DGKI: variants seen among roughly 807,000 people sequenced by gnomAD.
DGKI encodes DAG kinase iota.
A neutral mutation model predicts 147.5 loss-of-function variants in DGKI; 55 were observed. The ratio of observed to expected loss-of-function variants is 0.37; its 90% CI spans 0.30 to 0.47. The LOEUF (loss-of-function observed/expected upper bound fraction) is 0.47. Among genes scored for constraint, DGKI ranks in the 20% least tolerant of loss-of-function variants. The pLI is 1.00. For missense variants in DGKI, 1,007 were observed against 1,323.8 expected, an observed-to-expected ratio of 0.76 and a Z score of 3.71; for synonymous variants, 469 against 477.1, an observed-to-expected ratio of 0.98 and a Z score of 0.22.
At chr7:137,647,529 T>G (rs76382458) in intron 5 of DGKI, among the ~76,000 whole-genome samples, 28 of 152,196 alleles carry the variant, frequency 1.8e-4, no homozygotes, top group Non-Finnish European at 3.1e-4. Context: ...GGTGGTTGTA[T>G]GTACAATCGT....
At chr7:137,605,348 A>C (rs1585278140) in intron 10 of DGKI, among the ~76,000 whole-genome samples, 1 of 146,912 alleles carries the variant, frequency 6.8e-6, no homozygotes, top group African/African-American at 2.6e-5. Flanking sequence ...AATAAAATAA[A>C]ATAAAATAAA....
intron 27 of DGKI, among the ~76,000 whole-genome samples, chr7:137,447,501 G>T (rs1394836018): frequency 6.6e-6 from 1 of 152,170 alleles, no homozygotes; most frequent in Non-Finnish European, 1.5e-5. Context: ...TGGCTTTGAA[G>T]AATAAAGAGG....
Position 137,670,843 on chromosome 7 carries a change from T to G in DGKI, c.606+7714A>C, listed in dbSNP as rs114286781. ...TCATGAGTCTGCTGTGCCAGACAACTGGCATTTGAGGCTGACAGAGCAGGA... is the reference window on the plus strand; with the variant it reads ...TCATGAGTCTGCTGTGCCAGACAACGGGCATTTGAGGCTGACAGAGCAGGA... On this transcript the variant is annotated intron_variant, in intron 3 of 32. Coordinates refer to ENST00000614521, the MANE Select transcript of DGKI (RefSeq NM_001321708.2). 1.8e-3 allele frequency among the ~76,000 whole-genome samples: 272 copies of G among 152,302 alleles called. 1 individual carries two copies. The highest frequency in any genetic ancestry group is 6.3e-3 in the African/African-American group (261 of 41,548).
chr7:137,475,678 G>T (rs983546270), intron 23 of DGKI, among the ~76,000 whole-genome samples: 1 of 152,184 alleles, frequency 6.6e-6, no homozygotes, highest in Admixed American at 6.5e-5. Flanking sequence ...GGACCATGTC[G>T]TTAAAGGGTG....
At chr7:137,614,552 C>T (rs1208218447) in intron 8 of DGKI, among the ~76,000 whole-genome samples, 1 of 152,120 alleles carries the variant, frequency 6.6e-6, no homozygotes, top group Non-Finnish European at 1.5e-5. Context: ...CAGATCCAGG[C>T]TTGATTCTTA....
At chr7:137,724,615 C>G (rs1366008736) in intron 1 of DGKI, among the ~76,000 whole-genome samples, 3 of 152,148 alleles carry the variant, frequency 2.0e-5, no homozygotes, top group African/African-American at 4.8e-5. Context: ...AAGGATGACT[C>G]AAGGTCCCAG....
chr7:137,729,793 A>C (rs2116656237), intron 1 of DGKI, among the ~76,000 whole-genome samples: 1 of 152,184 alleles, frequency 6.6e-6, no homozygotes, highest in East Asian at 1.9e-4. Flanking sequence ...CTTGGCCTTC[A>C]AGACATGATT....
chr7:137,774,680 T>C lies in DGKI; in HGVS notation c.401+71782A>G, dbSNP rs1563192125. 3 of 152,294 alleles carry C rather than the reference T, an allele frequency of 2.0e-5. No individual in the cohort carries two copies. The South Asian group carries it at 6.2e-4, about 32-fold the overall frequency. 9.4% of individuals were successfully genotyped at this position (152,294 alleles called of 1,614,324 possible). A position where few individuals can be genotyped will look rare whatever the true frequency, so the allele number is the denominator to read the frequency against. ...TATTCGAGTGCTCAGGAAGCCTCCCTTACCAAGTGGCATCTCCTCCAAAGA... is the reference window on the plus strand; with the variant it reads ...TATTCGAGTGCTCAGGAAGCCTCCCCTACCAAGTGGCATCTCCTCCAAAGA... On this transcript the variant is annotated intron_variant, in intron 1 of 32. Coordinates refer to ENST00000614521, the MANE Select transcript of DGKI (RefSeq NM_001321708.2).
chr7:137,410,025 G>A (rs1263175162), intron 29 of DGKI, among the ~76,000 whole-genome samples: 1 of 152,194 alleles, frequency 6.6e-6, no homozygotes, highest in Non-Finnish European at 1.5e-5. Context: ...AAGAGGGCAT[G>A]AATATTTGAG....
intron 15 of DGKI, among the ~76,000 whole-genome samples, chr7:137,578,600 G>A (rs984226346): frequency 6.6e-6 from 1 of 152,206 alleles, no homozygotes; most frequent in Admixed American, 6.5e-5. Flanking sequence ...GCCCTAGCCA[G>A]ATCTACTGAA....
chr7:137,701,719 G>A (rs536306767), intron 1 of DGKI, among the ~76,000 whole-genome samples: 35 of 152,192 alleles, frequency 2.3e-4, no homozygotes, highest in African/African-American at 8.4e-4. Context: ...CCATATTTGT[G>A]TATTGAAAGA....
chr7:137,493,608 C>G (rs1196172285), intron 21 of DGKI, among the ~76,000 whole-genome samples: 2 of 152,110 alleles, frequency 1.3e-5, no homozygotes, highest in Non-Finnish European at 2.9e-5. Flanking sequence ...TGACCAAACC[C>G]ACCTTATACC....
At chr7:137,837,997 CTTTTTTT>C (rs777963342) in intron 1 of DGKI, among the ~76,000 whole-genome samples, 1 of 109,834 alleles carries the variant, frequency 9.1e-6, no homozygotes, top group African/African-American at 3.7e-5. Context: ...AAGGGAGAAA[CTTTTTTT>C]TTTTTTTTTT....
intron 8 of DGKI, among the ~76,000 whole-genome samples, chr7:137,616,725 T>C (rs1820543372): frequency 6.6e-6 from 1 of 152,038 alleles, no homozygotes; most frequent in Non-Finnish European, 1.5e-5. Flanking sequence ...CATAATTAAG[T>C]AATTTCGTAA....
rs3839659 is a variant in DGKI at position 137,620,019 on chromosome 7, GCACACACACA to G, written c.877-89_877-80del. The stretch of plus-strand genomic sequence containing the variant: ...CAAGAAGGGATAAATATGTACACAC[GCACACACACA>G]CACACACACACACACACACACACAC... On this transcript the variant is annotated intron_variant, in intron 7 of 32. Transcript: ENST00000614521. 1.3e-3 allele frequency: 637 copies of G among 502,522 alleles called. 1 individual carries two copies. The highest frequency in any genetic ancestry group is 0.01 in the African/African-American group (514 of 51,358). 31.1% of individuals were successfully genotyped at this position (502,522 alleles called of 1,614,324 possible).
At chr7:137,436,643 G>T (rs1813295389) in intron 28 of DGKI, among the ~76,000 whole-genome samples, 1 of 152,070 alleles carries the variant, frequency 6.6e-6, no homozygotes, top group African/African-American at 2.4e-5. Context: ...TATAAAAGAG[G>T]AAACCCTTCC....
chr7:137,412,723 G>T (rs1176952587), intron 28 of DGKI, among the ~76,000 whole-genome samples: 2 of 152,136 alleles, frequency 1.3e-5, no homozygotes, highest in Admixed American at 1.3e-4. Flanking sequence ...CTTTTTGTGT[G>T]TTTTGTGATG....
chr7:137,517,770 A>G (rs1268755718), intron 21 of DGKI, among the ~76,000 whole-genome samples: 1 of 152,174 alleles, frequency 6.6e-6, no homozygotes, highest in East Asian at 1.9e-4. Flanking sequence ...GGACTTAAGG[A>G]AGGAAATTTG....
intron 27 of DGKI, among the ~76,000 whole-genome samples, chr7:137,451,586 A>C (rs1228038358): frequency 6.6e-6 from 1 of 152,256 alleles, no homozygotes; most frequent in Admixed American, 6.5e-5. Flanking sequence ...ATATTTGGGA[A>C]GGCAAAGGAC....
Sources: gnomAD v4.1 joint callset for allele counts (sites outside exome capture counted in the v4.1 genomes callset) on GRCh38, gnomAD v4.1.1 for gene constraint, MANE v1.5 for transcripts, NCBI Gene and HGNC (gene_info 2026-07-23, HGNC 2026-07-21) for gene names.